The following MYT1L variants were observed in gnomAD, a reference collection of about 807,000 sequenced individuals.
The protein encoded by MYT1L is myelin transcription factor 1-like protein.
MYT1L carries 12 observed loss-of-function variants against 126.7 expected under a neutral mutation model. The observed-to-expected ratio is 0.09, with a 90% confidence interval of 0.06 to 0.15. MYT1L has a LOEUF of 0.15. Among genes scored for constraint, MYT1L ranks in the 10% least tolerant of loss-of-function variants. MYT1L has a pLI of 1.00. For synonymous variants in MYT1L, 541 were observed against 604.2 expected (o/e 0.90, Z 1.53); for missense variants, 979 against 1,585.2 (o/e 0.62, Z 6.49).
intron 2 of MYT1L, among the ~76,000 whole-genome samples, chr2:2,232,094 G>T (rs770885971): frequency 5.3e-5 from 8 of 152,246 alleles, no homozygotes; most frequent in Non-Finnish European, 1.2e-4. Flanking sequence ...AGAACACAAT[G>T]AGAAATAGGC....
chr2:1,943,067 C>G lies in MYT1L; in HGVS notation c.420G>C (p.Glu140Asp). 1 of 1,459,630 alleles carries G rather than the reference C, an allele frequency of 6.9e-7. No individual in the cohort carries two copies. 90.4% of individuals were successfully genotyped at this position (1,459,630 alleles called of 1,614,324 possible). The change falls in exon 9 of 25, where the codon GAG (glutamate) becomes GAC (aspartate). Residue 140 changes from glutamate (E) to aspartate (D), a missense_variant. Around this residue, in one of 12 missense-constraint regions of MYT1L, gnomAD observed 111 missense variants for 115.9 expected, o/e 0.96. Transcript: ENST00000647738. The surrounding 1 kb of genome is among the most constrained non-coding windows in gnomAD (Gnocchi z 4.4). Reference protein sequence around the residue: ...EEEEEIEEEDEDDDEDGEDVE... With the variant: ...EEEEEIEEEDDDDDEDGEDVE... ...CATCTTCTCCATCCTCGTCATCGTC[C>G]TCATCCTCCTCCTCGATCTCCTCCT...
At chr2:2,110,196 G>A (rs1196045812) in intron 3 of MYT1L, among the ~76,000 whole-genome samples, 2 of 151,802 alleles carry the variant, frequency 1.3e-5, no homozygotes, top group Non-Finnish European at 2.9e-5. Context: ...CTCATCAGAG[G>A]AGAAGTCAAT....
At position 1,791,290 on chromosome 2, in the gene MYT1L, T is replaced by C. The variant is rs1157796072; in HGVS notation, c.*577A>G. On this transcript the variant is annotated 3_prime_UTR_variant, in exon 25 of 25. Coordinates refer to ENST00000647738, the MANE Select transcript of MYT1L (RefSeq NM_001303052.2). The surrounding 1 kb of genome is among the most constrained non-coding windows in gnomAD (Gnocchi z 6.0). ...AAAACAAACAAACAAAAAAGTCACA[T>C]AATATTTCCAAGCATTGTTCAAAAA... is the stretch of plus-strand genomic sequence containing the variant. The C allele has an allele frequency of 2.1e-6, 1 of 465,240 alleles. No individual in the cohort carries two copies. Among genetic ancestry groups the C allele is most frequent in the African/African-American group, 2.0e-5 (1 of 49,848 alleles). The allele number at this position is 465,240 out of a possible 1,614,324, so 28.8% of individuals were successfully genotyped here.
chr2:2,153,119 G>C (rs1361801112), intron 3 of MYT1L, among the ~76,000 whole-genome samples: 3 of 152,154 alleles, frequency 2.0e-5, no homozygotes, highest in African/African-American at 7.2e-5. Flanking sequence ...ACAAAATAGT[G>C]AGTCCCTGTC....
At chr2:2,181,009 T>C (rs2091432260) in intron 2 of MYT1L, among the ~76,000 whole-genome samples, 1 of 151,516 alleles carries the variant, frequency 6.6e-6, no homozygotes, top group African/African-American at 2.4e-5. Flanking sequence ...TATGTACCTG[T>C]GTGTGCACCT....
chr2:1,995,692 TC>T (rs1233272788), intron 5 of MYT1L, among the ~76,000 whole-genome samples: 2 of 152,058 alleles, frequency 1.3e-5, no homozygotes, highest in African/African-American at 2.4e-5. Flanking sequence ...GACCCTTTGT[TC>T]CCGGGTGATG....
intron 3 of MYT1L, among the ~76,000 whole-genome samples, chr2:2,147,823 C>T (rs1056967896): frequency 7.2e-5 from 11 of 152,200 alleles, no homozygotes; most frequent in African/African-American, 2.4e-4. Flanking sequence ...CCGCAGCAGA[C>T]GGCAGATCAC....
chr2:2,191,120 C>T (rs956088219), intron 2 of MYT1L, among the ~76,000 whole-genome samples: 3 of 152,122 alleles, frequency 2.0e-5, no homozygotes, highest in East Asian at 1.9e-4. Context: ...TGCTTGAAGA[C>T]GGCAGGGTGC....
At position 1,987,360 on chromosome 2, in the gene MYT1L, A is replaced by G. The variant is rs192686710; in HGVS notation, c.1-7583T>C. 3.3e-5 allele frequency among the ~76,000 whole-genome samples: 5 copies of G among 150,004 alleles called. No individual in the cohort carries two copies. The East Asian group carries it at 9.8e-4, about 29-fold the overall frequency. On this transcript the variant is annotated intron_variant, in intron 5 of 24. Coordinates refer to ENST00000647738, the MANE Select transcript of MYT1L (RefSeq NM_001303052.2). ...TTTTTGTTTTTTTCTTTCTGGAAAAATATGATGATCTGAAAGCATTGCTCT... is the reference window on the plus strand; with the variant it reads ...TTTTTGTTTTTTTCTTTCTGGAAAAGTATGATGATCTGAAAGCATTGCTCT...
chr2:2,003,717 G>A (rs2062650682), intron 4 of MYT1L, among the ~76,000 whole-genome samples: 3 of 152,140 alleles, frequency 2.0e-5, no homozygotes, highest in Non-Finnish European at 1.5e-5. Context: ...TGGGTGCTTA[G>A]GGCTGCCGAG....
At chr2:2,115,193 T>C (rs966615029) in intron 3 of MYT1L, among the ~76,000 whole-genome samples, 3 of 152,244 alleles carry the variant, frequency 2.0e-5, no homozygotes, top group African/African-American at 7.2e-5. Flanking sequence ...CTCCCTTGCA[T>C]TGAAATCTTT....
intron 2 of MYT1L, among the ~76,000 whole-genome samples, chr2:2,262,980 T>C: frequency 9.8e-6 from 1 of 102,370 alleles, no homozygotes; most frequent in Non-Finnish European, 1.9e-5. Flanking sequence ...ATCTAGGTCT[T>C]CATTGGAGGA....
At chr2:2,040,754 G>T (rs2067437743) in intron 4 of MYT1L, among the ~76,000 whole-genome samples, 1 of 151,834 alleles carries the variant, frequency 6.6e-6, no homozygotes, top group Admixed American at 6.6e-5. Flanking sequence ...GGTCATTTTG[G>T]GGGTAATTAT....
chr2:1,922,815 G>A lies in MYT1L; in HGVS notation c.954C>T (p.Ser318=), dbSNP rs142499159. ...NGLMEKMVEE[S]DEEVCLSSLE... is the part of the protein sequence containing the mutation. Reference sequence around the variant, plus strand: ...GACTGCTCAGACACACCTCCTCATCGCTCTCCTCCACCATCTTTTCCATGA... The same window carrying A: ...GACTGCTCAGACACACCTCCTCATCACTCTCCTCCACCATCTTTTCCATGA... Residue 318 remains serine, a synonymous_variant, in exon 10 of 25, where the codon AGC becomes AGT. Coordinates refer to ENST00000647738, the MANE Select transcript of MYT1L (RefSeq NM_001303052.2). This position sits in a 1 kb window ranked among gnomAD's most constrained non-coding sequence, Gnocchi z 7.4. The A allele has an allele frequency of 2.8e-4, 454 of 1,613,872 alleles. 2 individuals are homozygous for A. In the African/African-American group the frequency reaches 3.9e-3, roughly 14 times the overall value.
chr2:1,956,726 T>C (rs529320696), intron 8 of MYT1L, among the ~76,000 whole-genome samples: 1 of 152,048 alleles, frequency 6.6e-6, no homozygotes, highest in Non-Finnish European at 1.5e-5. Context: ...AGTTGACAAG[T>C]TGACAAGAGA....
chr2:2,000,943 G>A (rs2062308436), intron 4 of MYT1L, among the ~76,000 whole-genome samples: 1 of 152,156 alleles, frequency 6.6e-6, no homozygotes, highest in South Asian at 2.1e-4. Flanking sequence ...GTTCCCCTGG[G>A]AAGCTCAGAA....
Position 2,073,470 on chromosome 2 carries a change from A to G in MYT1L, c.-303-19347T>C, listed in dbSNP as rs143701358. The stretch of plus-strand genomic sequence containing the variant: ...ACTTCATCCTAACATTGATGGCTCT[A>G]CAGAGGCTTTCCTCTCTCTCCTACG... On this transcript the variant is annotated intron_variant, in intron 3 of 24. Transcript: ENST00000647738. Among the ~76,000 whole-genome samples the G allele has an allele frequency of 5.9e-3, 902 of 152,240 alleles. 11 individuals are homozygous for G. Among genetic ancestry groups the G allele is most frequent in the African/African-American group, 0.02 (825 of 41,560 alleles).
intron 18 of MYT1L, among the ~76,000 whole-genome samples, chr2:1,879,913 G>A (rs1444600389): frequency 3.3e-5 from 5 of 152,142 alleles, no homozygotes; most frequent in African/African-American, 1.2e-4. Context: ...TGTATTAAAT[G>A]TTTCATAATT....
chr2:2,039,317 C>T (rs1420090325), intron 4 of MYT1L, among the ~76,000 whole-genome samples: 3 of 151,850 alleles, frequency 2.0e-5, no homozygotes, highest in Admixed American at 6.6e-5. Context: ...GTGGGAGGAT[C>T]GCTTGGGCCC....
Sources: allele counts gnomAD v4.1 joint callset (sites outside exome capture counted in the v4.1 genomes callset), GRCh38; gene constraint gnomAD v4.1.1; regional missense constraint gnomAD v4.1.1; non-coding constraint Gnocchi (gnomAD v3.1); transcripts MANE v1.5; gene names NCBI Gene and HGNC (gene_info 2026-07-23, HGNC 2026-07-21).